LARGE1: variants seen among roughly 807,000 people sequenced by gnomAD.
LARGE1 encodes LARGE xylosyl- and glucuronyltransferase 1, also known as xylosyl- and glucuronyltransferase LARGE1.
In LARGE1, 43 loss-of-function variants were observed where a neutral mutation model predicts 87.6. The ratio of observed to expected loss-of-function variants is 0.49; its 90% confidence interval spans 0.38 to 0.63. The LOEUF (loss-of-function observed/expected upper bound fraction) is 0.63, where lower values mean the gene tolerates loss of function less well. LARGE1 is among the 30% of genes least tolerant of loss of function. The pLI is 0.00. For missense variants in LARGE1, 802 were observed against 1,000.2 expected (o/e 0.80, Z 2.67); for synonymous variants, 434 against 394.6 (o/e 1.10, Z -1.18).
Position 33,459,133 on chromosome 22 carries a change from G to A in LARGE1, c.788-26868C>T, listed in dbSNP as rs75816362. 4.4e-3 allele frequency among the ~76,000 whole-genome samples: 673 copies of A among 151,850 alleles called. 6 individuals carry two copies. Among genetic ancestry groups the A allele is most frequent in the African/African-American group, 0.015 (633 of 41,408 alleles). On this transcript the variant is annotated intron_variant, in intron 6 of 14. Coordinates refer to ENST00000397394, the MANE Select transcript of LARGE1 (RefSeq NM_133642.5). Reference sequence around the variant, plus strand: ...TCTAAGTTCCCTCCCATCACCCCTCGGCCCCCAACAGACCCTGGTGTGTGT... The same window carrying A: ...TCTAAGTTCCCTCCCATCACCCCTCAGCCCCCAACAGACCCTGGTGTGTGT...
At chr22:33,126,039 C>T in the LARGE1 span, among the ~76,000 whole-genome samples, 7 of 152,302 alleles carry the variant, frequency 4.6e-5, no homozygotes, top group South Asian at 2.1e-4. Context: ...TGAGCCACAG[C>T]GCCCGGCTGG....
In LARGE1 at chr22:33,384,344, A is replaced by G. The variant is rs547823410; in HGVS notation, c.893-40T>C. 1.6e-4 allele frequency: 244 copies of G among 1,483,346 alleles called. 2 individuals are homozygous for G. The South Asian group carries it at 2.6e-3, about 16-fold the overall frequency. The allele number at this position is 1,483,346 out of a possible 1,614,324, so 91.9% of individuals were successfully genotyped here. On this transcript the variant is annotated intron_variant, in intron 7 of 14. Coordinates refer to ENST00000397394, the MANE Select transcript of LARGE1 (RefSeq NM_133642.5). ...AGGATAAAAGAGAAAATTAAAAAAT[A>G]AAAAAGATGGAGAGCTAGGCACACC...
At chr22:33,220,271 A>G (rs1247276812) in intron 11 of LARGE1, among the ~76,000 whole-genome samples, 1 of 152,224 alleles carries the variant, frequency 6.6e-6, no homozygotes, top group Non-Finnish European at 1.5e-5. Context: ...AGGGAGAGAT[A>G]TTATGCTCAT....
At chr22:33,812,539 T>C (rs2086528293) in intron 1 of LARGE1, among the ~76,000 whole-genome samples, 2 of 152,182 alleles carry the variant, frequency 1.3e-5, no homozygotes, top group South Asian at 4.1e-4. Context: ...CAGGGTGCAT[T>C]GTCATCAGTG....
At chr22:33,712,716 C>A (rs566896453) in intron 2 of LARGE1, among the ~76,000 whole-genome samples, 164 of 147,696 alleles carry the variant, frequency 1.1e-3, no homozygotes, top group African/African-American at 4.0e-3. Context: ...AAGCTGAGGC[C>A]AGCAAGAAAA....
At chr22:33,846,775 C>T (rs940030539) in intron 1 of LARGE1, among the ~76,000 whole-genome samples, 27 of 152,262 alleles carry the variant, frequency 1.8e-4, no homozygotes, top group South Asian at 8.3e-4. Flanking sequence ...TCTCCCATAG[C>T]GCTCCCAGGC....
At chr22:33,701,752 G>A (rs982798617) in intron 2 of LARGE1, among the ~76,000 whole-genome samples, 1 of 152,196 alleles carries the variant, frequency 6.6e-6, no homozygotes, top group Non-Finnish European at 1.5e-5. Context: ...TCATTTATCT[G>A]GCTGCTTTGC....
chr22:33,544,665 A>G (rs964517361), intron 6 of LARGE1, among the ~76,000 whole-genome samples: 1 of 146,030 alleles, frequency 6.8e-6, no homozygotes, highest in Non-Finnish European at 1.5e-5. Flanking sequence ...CTGGGCAAAC[A>G]GAGCAAGACC....
At chr22:33,759,298 TTG>T (rs1023652820) in intron 2 of LARGE1, among the ~76,000 whole-genome samples, 1 of 152,210 alleles carries the variant, frequency 6.6e-6, no homozygotes, top group Non-Finnish European at 1.5e-5. Flanking sequence ...CTCACCCAGA[TTG>T]TGTGACACCC....
At chr22:33,340,833 A>AAC (rs1939061535) in intron 9 of LARGE1, among the ~76,000 whole-genome samples, 1 of 151,934 alleles carries the variant, frequency 6.6e-6, no homozygotes, top group South Asian at 2.1e-4. Flanking sequence ...CTTGCTGGTA[A>AAC]ACATGGGAGC....
At chr22:33,223,121 A>C (rs1036514790) in intron 11 of LARGE1, among the ~76,000 whole-genome samples, 3 of 152,220 alleles carry the variant, frequency 2.0e-5, no homozygotes, top group Non-Finnish European at 4.4e-5. Flanking sequence ...AGGCTGACCC[A>C]CTTTACTCCA....
At chr22:33,179,608 C>T (rs943316328) in intron 11 of LARGE1, among the ~76,000 whole-genome samples, 1 of 152,134 alleles carries the variant, frequency 6.6e-6, no homozygotes, top group Non-Finnish European at 1.5e-5. Context: ...ATCCTGGTAG[C>T]TCCTTAAATC....
chr22:33,853,742 A>T lies in LARGE1; in HGVS notation c.-83+66253T>A, dbSNP rs1478321212. 3.3e-5 allele frequency among the ~76,000 whole-genome samples: 5 copies of T among 152,260 alleles called. No individual in the cohort carries two copies. In the East Asian group the frequency reaches 9.6e-4, roughly 29 times the overall value. ...GTTGGAAACAGCTTGGTGCCAGAGCACGTCCACAAGGATATGTCTGCCTGT... is the reference window on the plus strand; with the variant it reads ...GTTGGAAACAGCTTGGTGCCAGAGCTCGTCCACAAGGATATGTCTGCCTGT... On this transcript the variant is annotated intron_variant, in intron 1 of 14. Transcript: ENST00000397394.
intron 1 of LARGE1, among the ~76,000 whole-genome samples, chr22:33,874,075 TA>T (rs2064389507): frequency 6.6e-6 from 1 of 152,024 alleles, no homozygotes; most frequent in Non-Finnish European, 1.5e-5. Flanking sequence ...TCAGGGAACT[TA>T]AATAAGAAAA....
chr22:33,152,987 T>C, the LARGE1 span, among the ~76,000 whole-genome samples: 16 of 152,190 alleles, frequency 1.1e-4, no homozygotes, highest in Non-Finnish European at 2.1e-4. Flanking sequence ...TTTCCAGTGC[T>C]AGATTATCAG....
At chr22:33,148,855 T>C in the LARGE1 span, among the ~76,000 whole-genome samples, 3 of 152,128 alleles carry the variant, frequency 2.0e-5, no homozygotes, top group Non-Finnish European at 4.4e-5. Context: ...TAATTTACTA[T>C]TTATGTATCC....
At chr22:33,710,191 T>C (rs756216324) in intron 2 of LARGE1, among the ~76,000 whole-genome samples, 1 of 150,680 alleles carries the variant, frequency 6.6e-6, no homozygotes, top group Admixed American at 6.6e-5. Context: ...TTCAAGGAGA[T>C]TGAAAAAAAA....
chr22:33,332,339 C>A (rs1010863546), intron 10 of LARGE1, among the ~76,000 whole-genome samples: 4 of 152,174 alleles, frequency 2.6e-5, no homozygotes, highest in Non-Finnish European at 5.9e-5. Context: ...CTCTTGCCTG[C>A]CACTGTGTAA....
At chr22:33,089,382 T>TTCTTCTTCC in the LARGE1 span, among the ~76,000 whole-genome samples, 1 of 140,022 alleles carries the variant, frequency 7.1e-6, no homozygotes, top group African/African-American at 2.7e-5. Flanking sequence ...CTTCTTCTTC[T>TTCTTCTTCC]TCTTCCTCTT....
Sources: allele counts gnomAD v4.1 joint callset (sites outside exome capture counted in the v4.1 genomes callset), GRCh38; gene constraint gnomAD v4.1.1; transcripts MANE v1.5; gene names NCBI Gene and HGNC (gene_info 2026-07-23, HGNC 2026-07-21).